The following ALDH7A1 variants were observed in gnomAD, a reference collection of about 807,000 sequenced individuals.
ALDH7A1 encodes aldehyde dehydrogenase 7 family member A1, also known as alpha-aminoadipic semialdehyde dehydrogenase.
Under a neutral mutation model 79.9 loss-of-function variants are expected in ALDH7A1, and 63 were observed. The ratio of observed to expected loss-of-function variants is 0.79; its 90% confidence interval spans 0.64 to 0.97. The LOEUF (loss-of-function observed/expected upper bound fraction) is 0.97, where lower values mean the gene tolerates loss of function less well. Ranked by LOEUF, ALDH7A1 falls within the 50% of genes least tolerant of loss-of-function variation. The probability of loss-of-function intolerance (pLI) is 0.00; values close to 1 mark genes in which losing one functional copy is unlikely to be tolerated. For missense variants in ALDH7A1, 627 were observed against 665.2 expected (o/e 0.94, Z 0.63); for synonymous variants, 240 against 231.2 (o/e 1.04, Z -0.34).
chr5:126,552,242 A>G, intron 13 of ALDH7A1, 105 bp from the exon 14 acceptor site: 2 of 782,290 alleles, frequency 2.6e-6, no homozygotes, highest in Non-Finnish European at 4.4e-6. Flanking sequence ...AAAAATTAGC[A>G]TCATTTATAG....
intron 8 of ALDH7A1, chr5:126,568,743 G>A (rs918044591): frequency 3.6e-6 from 1 of 274,764 alleles, no homozygotes; most frequent in African/African-American, 2.2e-5. Flanking sequence ...ACCAGCCTAG[G>A]CAACACGATG....
At position 126,579,194 on chromosome 5, in the gene ALDH7A1, C is replaced by T. The variant is rs534111977; in HGVS notation, c.518-1983G>A. 3.9e-5 allele frequency among the ~76,000 whole-genome samples: 6 copies of T among 152,378 alleles called. No individual in the cohort carries two copies. In the South Asian group the frequency reaches 1.2e-3, roughly 32 times the overall value. On this transcript the variant is annotated intron_variant, in intron 5 of 17. Transcript: ENST00000409134. ...TCTATCTGCCCTACCACTGCACCCTCCAGCTGTGCTGAAGCAATGCAATCC... is the reference window on the plus strand; with the variant it reads ...TCTATCTGCCCTACCACTGCACCCTTCAGCTGTGCTGAAGCAATGCAATCC...
rs184291127 is a variant in ALDH7A1, at chr5:126,560,913, T to A, written c.913+170A>T. On this transcript the variant is annotated intron_variant, in intron 10 of 17. Transcript: ENST00000409134. ...CCTTTCCTTCCTAGTTACCTCTGCC[T>A]TCAAAACAAGCTTGTGTCCTGTCTC... Among the ~76,000 whole-genome samples the A allele has an allele frequency of 2.2e-3, 337 of 152,316 alleles. 7 individuals are homozygous for A. The highest frequency in any genetic ancestry group is 0.018 in the Admixed American group (271 of 15,290).
chr5:126,578,355 A>G (rs1208652834), intron 5 of ALDH7A1, among the ~76,000 whole-genome samples: 2 of 152,136 alleles, frequency 1.3e-5, no homozygotes. Flanking sequence ...AACTAAAAAT[A>G]CAAATCAGCT....
At chr5:126,554,937 A>G (rs531568948) in intron 12 of ALDH7A1, 2 of 188,156 alleles carry the variant, frequency 1.1e-5, no homozygotes, top group East Asian at 1.4e-4. Flanking sequence ...GTAGGCCTCT[A>G]TGAGGAGGAG....
intron 3 of ALDH7A1, chr5:126,584,377 G>A (rs1283144671): frequency 3.4e-6 from 1 of 294,332 alleles, no homozygotes; most frequent in Non-Finnish European, 6.5e-6. Context: ...AAGGATGGCA[G>A]GAGGCTGGGC....
At position 126,549,954 on chromosome 5, in the gene ALDH7A1, A is replaced by T. The variant is rs750640713; in HGVS notation, c.1464T>A (p.Ser488Arg). 8 of 1,614,154 alleles carry T rather than the reference A, an allele frequency of 5.0e-6. No homozygotes were observed. Among genetic ancestry groups the T allele is most frequent in the Non-Finnish European group, 6.8e-6 (8 of 1,180,016 alleles). Reference sequence around the variant, plus strand: ...CAAAGGCACCTCCAATCTCAGCCCCACTTGTTGGAATGTTGACATTTACAA... The same window carrying T: ...CAAAGGCACCTCCAATCTCAGCCCCTCTTGTTGGAATGTTGACATTTACAA... Reference protein sequence around the residue: ...CGIVNVNIPTSGAEIGGAFGG... With the variant: ...CGIVNVNIPTRGAEIGGAFGG... Residue 488 changes from serine to arginine, a missense_variant, in exon 16 of 18, where the codon AGT (serine) becomes AGA (arginine). Ser to Arg is a moderately radical substitution (Grantham distance 110, BLOSUM62 -1). Transcript: ENST00000409134.
At chr5:126,565,392 C>CT (rs1389154913) in intron 9 of ALDH7A1, among the ~76,000 whole-genome samples, 28 of 63,236 alleles carry the variant, frequency 4.4e-4, no homozygotes, top group Non-Finnish European at 6.6e-4. Context: ...GAGATTCCAT[C>CT]TCAAAAAAAA....
intron 7 of ALDH7A1, among the ~76,000 whole-genome samples, chr5:126,573,602 G>T (rs1750856178): frequency 6.7e-6 from 1 of 149,784 alleles, no homozygotes; most frequent in Admixed American, 6.7e-5. Context: ...GGAGGCTGAA[G>T]CAGGAGAATC....
intron 12 of ALDH7A1, 44 bp from the exon 13 acceptor site, chr5:126,554,437 T>C: frequency 1.3e-6 from 2 of 1,513,448 alleles, no homozygotes; most frequent in South Asian, 2.2e-5. Context: ...TTGCCCTTTA[T>C]GGCATCGTTT....
chr5:126,558,170 A>C, intron 11 of ALDH7A1, among the ~76,000 whole-genome samples: 1 of 42,486 alleles, frequency 2.4e-5, no homozygotes, highest in Non-Finnish European at 7.8e-5. Flanking sequence ...CCAACTCAAA[A>C]AAAAAAAAAA....
In ALDH7A1 at chr5:126,575,402, A is replaced by C; in HGVS notation, c.695+18T>G. 1 of 1,612,420 alleles carries C rather than the reference A, an allele frequency of 6.2e-7. No individual in the cohort carries two copies. Among genetic ancestry groups the C allele is most frequent in the Non-Finnish European group, 8.5e-7 (1 of 1,179,020 alleles). On this transcript the variant is annotated intron_variant, in intron 7 of 17. Transcript: ENST00000409134. Reference sequence around the variant, plus strand: ...ATATTATTCCATACCCAGGAAAAAGAAAGCCACATGTACTTACTTTGTGAC... The same window carrying C: ...ATATTATTCCATACCCAGGAAAAAGCAAGCCACATGTACTTACTTTGTGAC...
rs1750406694 is a variant in ALDH7A1, at chr5:126,561,558, A to G, written c.872-434T>C. The G allele has an allele frequency of 2.6e-5, 4 of 152,874 alleles. No individual in the cohort carries two copies. In the Admixed American group the frequency reaches 2.6e-4, roughly 10 times the overall value. The allele number at this position is 152,874 out of a possible 1,614,324, so 9.5% of individuals were successfully genotyped here. A position where few individuals can be genotyped will look rare whatever the true frequency, so the allele number is the denominator to read the frequency against. On this transcript the variant is annotated intron_variant, in intron 9 of 17. Coordinates refer to ENST00000409134, the MANE Select transcript of ALDH7A1 (RefSeq NM_001182.5). Reference sequence around the variant, plus strand: ...CACAGATGTTGCTGGAGAGAGAGAAAATGAGAAATCAAATGGGGCAAAATG... The same window carrying G: ...CACAGATGTTGCTGGAGAGAGAGAAGATGAGAAATCAAATGGGGCAAAATG...
intron 1 of ALDH7A1, 76 bp downstream of exon 1, chr5:126,594,931 G>T (rs866224588): frequency 1.4e-5 from 21 of 1,535,202 alleles, no homozygotes; most frequent in Middle Eastern, 2.3e-4. Context: ...CCAGCGGGGA[G>T]TCGGTAGGTC....
At chr5:126,546,150 A>AC in intron 17 of ALDH7A1, among the ~76,000 whole-genome samples, 174 bp downstream of exon 17, 1 of 152,186 alleles carries the variant, frequency 6.6e-6, no homozygotes, top group East Asian at 1.9e-4. Flanking sequence ...CTGAAGCTAG[A>AC]CAAGAAGGCT....
chr5:126,583,623 G>T (rs1187702498), intron 4 of ALDH7A1, among the ~76,000 whole-genome samples: 1 of 151,888 alleles, frequency 6.6e-6, no homozygotes, highest in Non-Finnish European at 1.5e-5. Flanking sequence ...GATCACCTGA[G>T]GTTAGGAGTT....
intron 16 of ALDH7A1, among the ~76,000 whole-genome samples, chr5:126,547,358 G>T (rs1046055644): frequency 6.6e-6 from 1 of 152,182 alleles, no homozygotes; most frequent in Admixed American, 6.5e-5. Flanking sequence ...GAAGAAACAA[G>T]TCCTAGTCAA....
At chr5:126,560,287 A>G (rs1750361580) in intron 10 of ALDH7A1, among the ~76,000 whole-genome samples, 1 of 152,168 alleles carries the variant, frequency 6.6e-6, no homozygotes, top group African/African-American at 2.4e-5. Context: ...GCCTGCCAAC[A>G]TGGTGAAACC....
intron 13 of ALDH7A1, among the ~76,000 whole-genome samples, chr5:126,552,663 C>A (rs1561650194): frequency 6.6e-6 from 1 of 152,132 alleles, no homozygotes. Flanking sequence ...TCCCAGAGTG[C>A]TGGGATTACA....
Sources: allele counts gnomAD v4.1 joint callset (sites outside exome capture counted in the v4.1 genomes callset), GRCh38; gene constraint gnomAD v4.1.1; transcripts MANE v1.5; gene names NCBI Gene and HGNC (gene_info 2026-07-23, HGNC 2026-07-21).